The following ZC3H3 variants were observed in gnomAD, a reference collection of about 807,000 sequenced individuals.
ZC3H3 encodes the protein zinc finger CCCH-type containing 3, also known as zinc finger CCCH domain-containing protein 3.
A neutral mutation model predicts 77.3 loss-of-function variants in ZC3H3; 36 were observed. The observed-to-expected ratio is 0.47, with a 90% CI of 0.36 to 0.61. The LOEUF (loss-of-function observed/expected upper bound fraction) is 0.61. Ranked by LOEUF, ZC3H3 falls within the 20% of genes least tolerant of loss-of-function variation. ZC3H3 has a pLI of 0.00. For missense variants in ZC3H3, 1,331 were observed against 1,312.2 expected, an observed-to-expected ratio of 1.01 and a Z score of -0.22; for synonymous variants, 626 against 555.2, an observed-to-expected ratio of 1.13 and a Z score of -1.79.
At position 143,530,937 on chromosome 8, in the gene ZC3H3, T is replaced by TG. The variant is rs1822582043; in HGVS notation, c.1561+5319dup. Among the ~76,000 whole-genome samples, 1 of 150,036 alleles carries TG rather than the reference T, an allele frequency of 6.7e-6. No homozygotes were observed. Among genetic ancestry groups the TG allele is most frequent in the South Asian group, 2.1e-4 (1 of 4,744 alleles). ...ACATTACTCGCCCAGGCCACCCTTC[T>TG]GGGGCTGTCTTCTATCTCCTTTTTT... On this transcript the variant is annotated intron_variant, in intron 3 of 11. Coordinates refer to ENST00000262577, the MANE Select transcript of ZC3H3 (RefSeq NM_015117.3). This position sits in a 1 kb window ranked among gnomAD's most constrained non-coding sequence, Gnocchi z 4.3.
At chr8:143,438,843 C>CGGGCCCAGCAGCCA (rs1393051254) in intron 11 of ZC3H3, among the ~76,000 whole-genome samples, 1 of 152,212 alleles carries the variant, frequency 6.6e-6, no homozygotes, top group Non-Finnish European at 1.5e-5. Context: ...ACAGCTGAGT[C>CGGGCCCAGCAGCCA]GGGCCCAGCA....
intron 3 of ZC3H3, among the ~76,000 whole-genome samples, chr8:143,522,777 T>C (rs59330917): frequency 0.12 from 17,869 of 151,920 alleles, 1,342 homozygotes; most frequent in Admixed American, 0.2. Context: ...ATACAAAAAT[T>C]AGCCAGGTGT....
At chr8:143,471,415 AG>A (rs1409973762) in intron 5 of ZC3H3, among the ~76,000 whole-genome samples, 1 of 152,228 alleles carries the variant, frequency 6.6e-6, no homozygotes, top group African/African-American at 2.4e-5. Flanking sequence ...CGGACGTGCC[AG>A]GAACACGCAG....
chr8:143,489,277 T>C (rs1005484736), intron 4 of ZC3H3, among the ~76,000 whole-genome samples: 7 of 149,854 alleles, frequency 4.7e-5, no homozygotes, highest in African/African-American at 1.7e-4. Context: ...TGACTGCTAG[T>C]ACCCACTGGG....
chr8:143,526,446 C>A (rs899576782), intron 3 of ZC3H3, among the ~76,000 whole-genome samples: 3 of 152,234 alleles, frequency 2.0e-5, no homozygotes, highest in African/African-American at 7.2e-5. Context: ...CTCAGGGAAC[C>A]AGGACTTCCT....
chr8:143,441,063 G>A lies in ZC3H3; in HGVS notation c.2365C>T (p.Arg789Cys), dbSNP rs1346557546. The change falls in exon 10 of 12, where the codon CGC becomes TGC. Residue 789 changes from arginine to cysteine, a missense_variant. Arg to Cys is a radical substitution (Grantham distance 180). Transcript: ENST00000262577. ...TGGAGCAGCTGGCACTGGGCGCCGC[G>A]GGGACACGCCCCCCTGCGGGCAAAG... ...PDFARRGACP[R>C]GAQCQLLHRT... The A allele has an allele frequency of 5.4e-6, 8 of 1,475,578 alleles. No individual in the cohort carries two copies. Among genetic ancestry groups the A allele is most frequent in the Non-Finnish European group, 7.1e-6 (8 of 1,124,304 alleles). The allele number at this position is 1,475,578 out of a possible 1,614,324, so 91.4% of individuals were successfully genotyped here.
intron 4 of ZC3H3, among the ~76,000 whole-genome samples, chr8:143,502,013 G>C (rs1181949959): frequency 2.0e-5 from 3 of 152,178 alleles, no homozygotes; most frequent in African/African-American, 7.2e-5. Context: ...ATGATGGGAC[G>C]AGCATCCTCA....
At position 143,538,912 on chromosome 8, in the gene ZC3H3, G is replaced by A. The variant is rs756959546; in HGVS notation, c.455C>T (p.Thr152Ile). 2.5e-6 allele frequency: 4 copies of A among 1,613,010 alleles called. No individual in the cohort carries two copies. Among genetic ancestry groups the A allele is most frequent in the Non-Finnish European group, 3.4e-6 (4 of 1,180,024 alleles). ...QRGSLEEFEE[T>I]PWSDQRPREG... is the part of the protein sequence containing the mutation. ...CCGGGGCCTTTGGTCACTCCAGGGG[G>A]TTTCCTCAAATTCTTCCAAAGAGCC... Residue 152 changes from threonine (T) to isoleucine (I), a missense_variant, in exon 2 of 12, where the codon ACC (threonine) becomes ATC (isoleucine). Thr to Ile is a moderately conservative substitution (Grantham distance 89). Coordinates refer to ENST00000262577, the MANE Select transcript of ZC3H3 (RefSeq NM_015117.3).
At chr8:143,517,638 T>G (rs1011105728) in intron 3 of ZC3H3, among the ~76,000 whole-genome samples, 3 of 152,152 alleles carry the variant, frequency 2.0e-5, no homozygotes, top group Admixed American at 1.3e-4. Context: ...CCCACTGGCC[T>G]GCAGCCCCAG....
chr8:143,449,572 C>T (rs1197564889), intron 9 of ZC3H3, among the ~76,000 whole-genome samples: 1 of 152,172 alleles, frequency 6.6e-6, no homozygotes, highest in Non-Finnish European at 1.5e-5. Flanking sequence ...AACCCCATCT[C>T]TACCAAAATA....
At chr8:143,456,629 G>A (rs1327275387) in intron 9 of ZC3H3, among the ~76,000 whole-genome samples, 2 of 152,088 alleles carry the variant, frequency 1.3e-5, no homozygotes, top group Non-Finnish European at 2.9e-5. Flanking sequence ...CGGCACTTTG[G>A]GAGGCCAAGG....
chr8:143,454,049 A>G lies in ZC3H3; in HGVS notation c.2307+11668T>C, dbSNP rs1820052525. 4.0e-5 allele frequency among the ~76,000 whole-genome samples: 6 copies of G among 151,720 alleles called. 1 individual carries two copies. In the South Asian group the frequency reaches 1.2e-3, roughly 32 times the overall value. On this transcript the variant is annotated intron_variant, in intron 9 of 11. Coordinates refer to ENST00000262577, the MANE Select transcript of ZC3H3 (RefSeq NM_015117.3). ...GTGGTCCAAAAATATTAAATGGAAA[A>G]TTCCAGAAATAAACAATTCATAACT...
rs1033430175 is a variant in ZC3H3, at chr8:143,538,328, T to C, written c.1039A>G (p.Lys347Glu). 6.2e-7 allele frequency: 1 copy of C among 1,612,980 alleles called. No homozygotes were observed. The highest frequency in any genetic ancestry group is 1.3e-5 in the African/African-American group (1 of 75,058). ...GCTATGAGCTGCGGCTTCTCCACCT[T>C]GTTTGCCATGCCAGCAGAGGCCTTG... ...VCKASAGMAN[K>E]VEKPQLIADP... The change falls in exon 2 of 12, where the codon AAG becomes GAG. Residue 347 changes from lysine to glutamate, a missense_variant. Lys to Glu is a moderately conservative substitution (Grantham distance 56). This residue lies in a region of ZC3H3 where 978 missense variants were observed against 915.5 expected (regional missense o/e 1.07). Transcript: ENST00000262577.
chr8:143,484,020 G>A (rs1016962957), intron 4 of ZC3H3, among the ~76,000 whole-genome samples: 2 of 152,142 alleles, frequency 1.3e-5, no homozygotes, highest in African/African-American at 2.4e-5. Flanking sequence ...GGTGGGAGCT[G>A]AGAGCCCTGC....
intron 3 of ZC3H3, among the ~76,000 whole-genome samples, chr8:143,531,939 C>T (rs1023917517): frequency 6.6e-6 from 1 of 152,224 alleles, no homozygotes; most frequent in Non-Finnish European, 1.5e-5. Flanking sequence ...TCTTAGCCAT[C>T]ACAATGAATA....
chr8:143,457,244 A>G (rs943766236), intron 9 of ZC3H3, among the ~76,000 whole-genome samples: 17 of 152,234 alleles, frequency 1.1e-4, no homozygotes, highest in Non-Finnish European at 2.9e-5. Context: ...ATTTTAATCA[A>G]TACAGATCGA....
At chr8:143,478,887 T>C (rs567933924) in intron 4 of ZC3H3, among the ~76,000 whole-genome samples, 1 of 152,298 alleles carries the variant, frequency 6.6e-6, no homozygotes, top group Admixed American at 6.5e-5. Flanking sequence ...AACACCTTAC[T>C]GGAGTGTGAG....
chr8:143,523,475 C>A lies in ZC3H3; in HGVS notation c.1561+12782G>T. 4 of 985,424 alleles carry A rather than the reference C, an allele frequency of 4.1e-6. No homozygotes were observed. The South Asian group carries it at 1.9e-4, about 46-fold the overall frequency. The allele number at this position is 985,424 out of a possible 1,614,324, so 61.0% of individuals were successfully genotyped here. A position where few individuals can be genotyped will look rare whatever the true frequency, so the allele number is the denominator to read the frequency against. ...TTTGCAGCCATCTTGGAAGACACTC[C>A]CCGCTGCAAGCTCCATGTGGCCCTA... On this transcript the variant is annotated intron_variant, in intron 3 of 11. Coordinates refer to ENST00000262577, the MANE Select transcript of ZC3H3 (RefSeq NM_015117.3).
At chr8:143,536,957 A>G (rs1822819734) in intron 2 of ZC3H3, among the ~76,000 whole-genome samples, 1 of 152,050 alleles carries the variant, frequency 6.6e-6, no homozygotes, top group Non-Finnish European at 1.5e-5. Context: ...AGAAACAGCC[A>G]GGAGTGGGAG....
Sources: allele counts gnomAD v4.1 joint callset (sites outside exome capture counted in the v4.1 genomes callset), GRCh38; gene constraint gnomAD v4.1.1; regional missense constraint gnomAD v4.1.1; non-coding constraint Gnocchi (gnomAD v3.1); transcripts MANE v1.5; gene names NCBI Gene and HGNC (gene_info 2026-07-23, HGNC 2026-07-21).